Variants in FRMD4B observed in about 807,000 individuals in gnomAD.
FRMD4B encodes FERM domain-containing protein 4B.
A neutral mutation model predicts 141.5 loss-of-function variants in FRMD4B; 74 were observed. The ratio of observed to expected loss-of-function variants is 0.52; its 90% CI spans 0.43 to 0.63. The LOEUF is 0.63. FRMD4B is among the 30% of genes least tolerant of loss of function. The pLI is 0.00. For synonymous variants in FRMD4B, 506 were observed against 467.9 expected (o/e 1.08, Z -1.05); for missense variants, 1,366 against 1,253.4 (o/e 1.09, Z -1.36).
chr3:69,525,282 G>A (rs550645545), intron 1 of FRMD4B, among the ~76,000 whole-genome samples: 2 of 150,312 alleles, frequency 1.3e-5, no homozygotes, highest in East Asian at 1.9e-4. Flanking sequence ...AGAGCACACA[G>A]GATGGGTAGA....
chr3:69,419,011 G>T (rs1704923938), intron 2 of FRMD4B, among the ~76,000 whole-genome samples: 1 of 152,160 alleles, frequency 6.6e-6, no homozygotes, highest in South Asian at 2.1e-4. Context: ...CCAAAATGAA[G>T]AGAATCAACT....
chr3:69,282,352 G>T (rs546780292), intron 5 of FRMD4B, among the ~76,000 whole-genome samples: 3 of 152,100 alleles, frequency 2.0e-5, no homozygotes, highest in Admixed American at 6.6e-5. Context: ...GTGTGGAGGG[G>T]GGGCCCGTTC....
chr3:69,478,422 T>G (rs1022265527), intron 1 of FRMD4B, among the ~76,000 whole-genome samples: 15 of 152,242 alleles, frequency 9.9e-5, no homozygotes, highest in African/African-American at 3.4e-4. Flanking sequence ...TCTCATTGGT[T>G]TCAAATAACA....
intron 4 of FRMD4B, among the ~76,000 whole-genome samples, chr3:69,294,403 A>G (rs1700975019): frequency 6.6e-6 from 1 of 152,176 alleles, no homozygotes; most frequent in African/African-American, 2.4e-5. Flanking sequence ...CAAACACATC[A>G]CTTTCTGCAA....
intron 1 of FRMD4B, 27 bp downstream of exon 1, chr3:69,385,801 C>T (rs369933979): frequency 4.4e-5 from 67 of 1,515,676 alleles, no homozygotes; most frequent in Non-Finnish European, 5.2e-5. Context: ...CTGCTGGGGC[C>T]CTCGGGTGCC....
intron 5 of FRMD4B, among the ~76,000 whole-genome samples, chr3:69,251,745 A>C (rs2093464719): frequency 6.6e-6 from 1 of 152,262 alleles, no homozygotes; most frequent in Non-Finnish European, 1.5e-5. Flanking sequence ...TTGATTGCAG[A>C]AATCAACTGC....
chr3:69,457,206 C>G (rs1220565032), intron 1 of FRMD4B, among the ~76,000 whole-genome samples: 1 of 152,102 alleles, frequency 6.6e-6, no homozygotes, highest in African/African-American at 2.4e-5. Flanking sequence ...AAAATGTCCA[C>G]AGCAAGCAAA....
chr3:69,270,011 T>C (rs2093587001), intron 5 of FRMD4B, among the ~76,000 whole-genome samples: 2 of 151,988 alleles, frequency 1.3e-5, no homozygotes, highest in African/African-American at 4.8e-5. Context: ...TTTCTTTTTC[T>C]CTTCTTTCTT....
At chr3:69,362,349 G>T (rs890564603) in intron 1 of FRMD4B, among the ~76,000 whole-genome samples, 2 of 152,134 alleles carry the variant, frequency 1.3e-5, no homozygotes, top group Admixed American at 1.3e-4. Flanking sequence ...CAAATTTCAG[G>T]CTCTTGACTT....
At chr3:69,179,831 C>T (rs1375861344) in intron 21 of FRMD4B, among the ~76,000 whole-genome samples, 1 of 152,106 alleles carries the variant, frequency 6.6e-6, no homozygotes, top group African/African-American at 2.4e-5. Context: ...TCATCGTGGC[C>T]AGGAACTAGT....
At position 69,406,230 on chromosome 3, in the gene FRMD4B, T is replaced by G. The variant is rs544547663; in HGVS notation, c.-1+26404A>C. On this transcript the variant is annotated intron_variant, in intron 2 of 5. Coordinates refer to the FRMD4B transcript ENST00000459638. ...TGCTTTTAAATGGCCAGAGGCACAC[T>G]CACACTCTCAGGGTCCAACTTCTAG... Among the ~76,000 whole-genome samples, 52 of 152,330 alleles carry G rather than the reference T, an allele frequency of 3.4e-4. No individual in the cohort carries two copies. In the South Asian group the frequency reaches 6.4e-3, roughly 19 times the overall value.
rs1433090551 is a variant in FRMD4B, at chr3:69,189,972, C to T, written c.1715-20G>A. ...TGTCTTCTGTGAATAAAAATAACTG[C>T]CTTTAGTACAATTGTGCATTTATAC... On this transcript the variant is annotated intron_variant, in intron 17 of 22. Coordinates refer to ENST00000398540, the MANE Select transcript of FRMD4B (RefSeq NM_015123.3). The T allele has an allele frequency of 6.8e-7, 1 of 1,474,788 alleles. No homozygotes were observed. 91.4% of individuals were successfully genotyped at this position (1,474,788 alleles called of 1,614,324 possible).
At chr3:69,344,969 G>A (rs1004785654) in intron 1 of FRMD4B, among the ~76,000 whole-genome samples, 1 of 152,004 alleles carries the variant, frequency 6.6e-6, no homozygotes, top group Admixed American at 6.6e-5. Context: ...CATCTCACTG[G>A]GGCTTGTAGG....
chr3:69,539,117 A>T (rs979518925), intron 1 of FRMD4B, among the ~76,000 whole-genome samples: 1 of 152,216 alleles, frequency 6.6e-6, no homozygotes, highest in African/African-American at 2.4e-5. Context: ...TATAAGCCTC[A>T]AACCTTCACT....
intron 1 of FRMD4B, among the ~76,000 whole-genome samples, chr3:69,358,960 T>A (rs1048221048): frequency 2.6e-5 from 4 of 152,190 alleles, no homozygotes; most frequent in Admixed American, 1.3e-4. Context: ...GTTGTTGGAC[T>A]TCCCAGCCTC....
intron 7 of FRMD4B, among the ~76,000 whole-genome samples, chr3:69,226,410 G>A (rs1320758997): frequency 7.3e-6 from 1 of 136,088 alleles, no homozygotes; most frequent in Non-Finnish European, 1.5e-5. Context: ...TGTTCTGTCT[G>A]GCATACCACA....
intron 7 of FRMD4B, among the ~76,000 whole-genome samples, chr3:69,239,929 T>C (rs1242230032): frequency 6.6e-6 from 1 of 152,020 alleles, no homozygotes; most frequent in Non-Finnish European, 1.5e-5. Context: ...GGTGCGTGCC[T>C]GTAATCCCAG....
At chr3:69,262,687 A>G (rs2106866362) in intron 5 of FRMD4B, among the ~76,000 whole-genome samples, 1 of 150,550 alleles carries the variant, frequency 6.6e-6, no homozygotes, top group Non-Finnish European at 1.5e-5. Context: ...TTGAACTCCC[A>G]GACCTCAGGT....
At chr3:69,429,452 A>C (rs1334676490) in intron 2 of FRMD4B, among the ~76,000 whole-genome samples, 3 of 152,168 alleles carry the variant, frequency 2.0e-5, no homozygotes, top group Non-Finnish European at 4.4e-5. Context: ...TGCCAGTCTC[A>C]TAGGTGACGA....
Sources: gnomAD v4.1 joint callset for allele counts (sites outside exome capture counted in the v4.1 genomes callset) on GRCh38, gnomAD v4.1.1 for gene constraint, MANE v1.5 for transcripts, NCBI Gene and HGNC (gene_info 2026-07-23, HGNC 2026-07-21) for gene names.